NELL1: variants seen among roughly 807,000 people sequenced by gnomAD.
NELL1 encodes protein kinase C-binding protein NELL1.
Under a neutral mutation model 107.4 loss-of-function variants are expected in NELL1, and 76 were observed. That is an observed-to-expected ratio of 0.71 (90% confidence interval 0.59 to 0.86). NELL1 has a LOEUF of 0.86. Among genes scored for constraint, NELL1 ranks in the 40% least tolerant of loss-of-function variants. The probability of loss-of-function intolerance (pLI) is 0.00; values close to 1 mark genes in which losing one functional copy is unlikely to be tolerated. For missense variants in NELL1, 1,024 were observed against 1,005.5 expected (o/e 1.02, Z -0.25); for synonymous variants, 353 against 341.2 (o/e 1.03, Z -0.38).
chr11:20,851,321 C>T (rs1385755438), intron 4 of NELL1, among the ~76,000 whole-genome samples: 3 of 152,168 alleles, frequency 2.0e-5, no homozygotes, highest in African/African-American at 7.2e-5. Context: ...GCTACGGAGA[C>T]ACTTTTCTCC....
intron 14 of NELL1, among the ~76,000 whole-genome samples, chr11:21,237,517 C>T (rs546384038): frequency 1.3e-5 from 2 of 152,088 alleles, no homozygotes; most frequent in South Asian, 4.2e-4. Context: ...AGAATGCCCA[C>T]GTGTAATATC....
chr11:20,975,244 G>C (rs1336964571), intron 12 of NELL1, among the ~76,000 whole-genome samples: 1 of 151,830 alleles, frequency 6.6e-6, no homozygotes, highest in African/African-American at 2.4e-5. Flanking sequence ...TCGAACTCCT[G>C]ACCTCACATG....
intron 12 of NELL1, among the ~76,000 whole-genome samples, chr11:21,103,294 T>C (rs1469351636): frequency 6.6e-6 from 1 of 152,132 alleles, no homozygotes; most frequent in Non-Finnish European, 1.5e-5. Flanking sequence ...TTTTGACTGC[T>C]TGAGGGGAGG....
chr11:21,445,855 G>A (rs1277515248), intron 15 of NELL1, among the ~76,000 whole-genome samples: 4 of 152,032 alleles, frequency 2.6e-5, no homozygotes. Flanking sequence ...GTTTTCTTCA[G>A]CACTTTAAAT....
chr11:20,915,962 G>A (rs1307122041), intron 5 of NELL1, among the ~76,000 whole-genome samples: 1 of 151,362 alleles, frequency 6.6e-6, no homozygotes, highest in Non-Finnish European at 1.5e-5. Flanking sequence ...ACACACACAT[G>A]CACTCAGACA....
rs75481939 is a variant in NELL1 at position 21,139,985 on chromosome 11, A to G, written c.1426+26271A>G. ...TGTGGATTTGAGATGAGTGTCAAGA[A>G]CAACATTATCTTTCATATCTGGGGA... On this transcript the variant is annotated intron_variant, in intron 13 of 19. Coordinates refer to ENST00000357134, the MANE Select transcript of NELL1 (RefSeq NM_006157.5). Among the ~76,000 whole-genome samples, 1,449 of 152,282 alleles carry G rather than the reference A, an allele frequency of 9.5e-3. 63 individuals are homozygous for G. The East Asian group carries it at 0.11, about 12-fold the overall frequency.
intron 10 of NELL1, among the ~76,000 whole-genome samples, chr11:20,939,637 A>C (rs7938737): frequency 0.61 from 92,539 of 152,052 alleles, 30,664 homozygotes; most frequent in Non-Finnish European, 0.74. Flanking sequence ...GTTACCTGGA[A>C]TTATCACCCC....
intron 15 of NELL1, among the ~76,000 whole-genome samples, chr11:21,457,470 G>A (rs1251551261): frequency 6.6e-6 from 1 of 152,136 alleles, no homozygotes; most frequent in Non-Finnish European, 1.5e-5. Flanking sequence ...TAAGAACAGT[G>A]AGGTAAATGC....
chr11:20,960,358 T>A, intron 11 of NELL1, 74 bp from the exon 12 acceptor site: 3 of 1,455,922 alleles, frequency 2.1e-6, no homozygotes, highest in East Asian at 2.3e-5. Flanking sequence ...TAATAAAAAA[T>A]GTTACATACT....
chr11:21,290,322 T>C (rs1467896632), intron 14 of NELL1, among the ~76,000 whole-genome samples: 1 of 150,942 alleles, frequency 6.6e-6, no homozygotes, highest in African/African-American at 2.4e-5. Context: ...TGAGCCAAGA[T>C]TGCGCCACCG....
intron 3 of NELL1, among the ~76,000 whole-genome samples, chr11:20,814,302 C>T (rs72943674): frequency 2.6e-5 from 4 of 152,258 alleles, no homozygotes; most frequent in Non-Finnish European, 5.9e-5. Context: ...CCTAAAATTT[C>T]AACATTTATT....
intron 3 of NELL1, among the ~76,000 whole-genome samples, chr11:20,792,991 T>TTA (rs1857104472): frequency 6.6e-6 from 1 of 152,122 alleles, no homozygotes; most frequent in Admixed American, 6.5e-5. Context: ...CTACAAGTGT[T>TTA]TCTGATAGAA....
intron 13 of NELL1, among the ~76,000 whole-genome samples, chr11:21,138,053 G>A (rs11025940): frequency 0.14 from 21,478 of 152,074 alleles, 1,562 homozygotes; most frequent in Non-Finnish European, 0.17. Context: ...TGGCAAAGGT[G>A]TTTTCTGAGG....
chr11:21,081,654 C>T (rs1393740585), intron 12 of NELL1, among the ~76,000 whole-genome samples: 1 of 152,122 alleles, frequency 6.6e-6, no homozygotes, highest in Non-Finnish European at 1.5e-5. Flanking sequence ...TCTAGTTTCT[C>T]TGGAAAATGT....
At chr11:20,715,160 G>A (rs1855214918) in intron 2 of NELL1, among the ~76,000 whole-genome samples, 1 of 152,074 alleles carries the variant, frequency 6.6e-6, no homozygotes, top group South Asian at 2.1e-4. Context: ...CAGGAGAATG[G>A]CGTGAACCCA....
chr11:20,750,899 T>G (rs1856118123), intron 2 of NELL1, among the ~76,000 whole-genome samples: 1 of 152,168 alleles, frequency 6.6e-6, no homozygotes, highest in South Asian at 2.1e-4. Flanking sequence ...GGAATTAATT[T>G]TTGTGTGTGA....
intron 2 of NELL1, among the ~76,000 whole-genome samples, chr11:20,745,588 G>A (rs933319985): frequency 6.6e-6 from 1 of 152,172 alleles, no homozygotes; most frequent in East Asian, 1.9e-4. Context: ...ACAAATTACA[G>A]TAACCTACTT....
At chr11:20,986,190 C>A (rs562664000) in intron 12 of NELL1, among the ~76,000 whole-genome samples, 16 of 152,180 alleles carry the variant, frequency 1.1e-4, no homozygotes, top group African/African-American at 3.6e-4. Flanking sequence ...AGCCAGGGAG[C>A]CTTCAGCAGA....
At chr11:21,368,355 G>GT (rs139485232) in intron 14 of NELL1, among the ~76,000 whole-genome samples, 37,900 of 118,664 alleles carry the variant, frequency 0.32, 5,067 homozygotes, top group East Asian at 0.47. Flanking sequence ...TTAGGCATTG[G>GT]TTTTTTTTTT....
Sources: gnomAD v4.1 joint callset for allele counts (sites outside exome capture counted in the v4.1 genomes callset) on GRCh38, gnomAD v4.1.1 for gene constraint, MANE v1.5 for transcripts, NCBI Gene and HGNC (gene_info 2026-07-23, HGNC 2026-07-21) for gene names.